USP3: variants seen among roughly 807,000 people sequenced by gnomAD.
The protein encoded by USP3 is ubiquitin carboxyl-terminal hydrolase 3.
In USP3, 20 loss-of-function variants were observed where a neutral mutation model predicts 72.3. The observed-to-expected ratio is 0.28, with a 90% CI of 0.19 to 0.40. The LOEUF is 0.40. Ranked by LOEUF, USP3 falls within the 10% of genes least tolerant of loss-of-function variation. The probability of loss-of-function intolerance (pLI) is 1.00; values close to 1 mark genes in which losing one functional copy is unlikely to be tolerated. For synonymous variants in USP3, 222 were observed against 225.3 expected (o/e 0.99, Z 0.13); for missense variants, 479 against 633.9 (o/e 0.76, Z 2.62).
At chr15:63,535,167 G>C (rs2066137461) in intron 2 of USP3, among the ~76,000 whole-genome samples, 1 of 152,204 alleles carries the variant, frequency 6.6e-6, no homozygotes, top group Non-Finnish European at 1.5e-5. Flanking sequence ...CTGACCTCAA[G>C]TGATCTGCCT....
chr15:63,511,404 C>T (rs1426774695), intron 1 of USP3, among the ~76,000 whole-genome samples: 1 of 151,522 alleles, frequency 6.6e-6, no homozygotes, highest in Non-Finnish European at 1.5e-5. Flanking sequence ...ATTTTAAGTT[C>T]CACATCTCAA....
In USP3 at chr15:63,528,392, TA is replaced by T; in HGVS notation, c.92-4252del. On this transcript the variant is annotated intron_variant, in intron 1 of 14. Coordinates refer to ENST00000380324, the MANE Select transcript of USP3 (RefSeq NM_006537.4). The surrounding 1 kb of genome is among the most constrained non-coding windows in gnomAD (Gnocchi z 4.3). Reference sequence around the variant, plus strand: ...AATTGGATGTATTAAAGAGCCCTTATAAATTCCCAGACTTAACTTTTTAAGC... The same window carrying T: ...AATTGGATGTATTAAAGAGCCCTTATAATTCCCAGACTTAACTTTTTAAGC... Among the ~76,000 whole-genome samples, 1 of 152,146 alleles carries T rather than the reference TA, an allele frequency of 6.6e-6. No homozygotes were observed. The highest frequency in any genetic ancestry group is 3.2e-3 in the Middle Eastern group (1 of 316).
At chr15:63,576,025 C>A (rs1021436003) in intron 11 of USP3, among the ~76,000 whole-genome samples, 3 of 139,962 alleles carry the variant, frequency 2.1e-5, no homozygotes, top group African/African-American at 7.9e-5. Context: ...CTTGCTCTGT[C>A]GCCCAGGCTG....
chr15:63,538,213 A>C (rs1294423782), intron 3 of USP3, among the ~76,000 whole-genome samples: 2 of 152,172 alleles, frequency 1.3e-5, no homozygotes, highest in Non-Finnish European at 2.9e-5. Flanking sequence ...GTGTGAAGCA[A>C]ATTTCTTTCT....
rs559849039 is a variant in USP3 at position 63,536,122 on chromosome 15, A to G, written c.153-903A>G. 1.6e-4 allele frequency among the ~76,000 whole-genome samples: 25 copies of G among 152,378 alleles called. 1 individual carries two copies. The South Asian group carries it at 4.6e-3, about 28-fold the overall frequency. On this transcript the variant is annotated intron_variant, in intron 2 of 14. Transcript: ENST00000380324. ...CTAAATCTGAGTTGGAATGTGTTAC[A>G]CAATTTTTATGAACATAATCAACTT...
intron 1 of USP3, among the ~76,000 whole-genome samples, chr15:63,510,789 TG>T (rs1055159278): frequency 1.3e-5 from 2 of 152,200 alleles, no homozygotes; most frequent in Admixed American, 1.3e-4. Context: ...AATTGTCTTG[TG>T]CCAAGACCCC....
intron 11 of USP3, among the ~76,000 whole-genome samples, chr15:63,581,345 TTGTGTGTGTGTGTGTGTGTGTG>T (rs59188081): frequency 0.023 from 3,016 of 130,166 alleles, 100 homozygotes; most frequent in African/African-American, 0.074. Flanking sequence ...GTGTTGGTTT[TTGTGTGTGTGTGTGTGTGTGTG>T]TGTGTGTGTG....
At chr15:63,549,717 A>T (rs1319999337) in intron 3 of USP3, among the ~76,000 whole-genome samples, 1 of 152,180 alleles carries the variant, frequency 6.6e-6, no homozygotes, top group Middle Eastern at 3.2e-3. Flanking sequence ...TGGATCTTCA[A>T]ATCTAGCTAA....
At position 63,588,910 on chromosome 15, in the gene USP3, C is replaced by T; in HGVS notation, c.1330-34C>T. ...GTAGAGGTCATCGAGATACTGATGTCATTGACCACTGCTCCTTCTTCCTTG... is the reference window on the plus strand; with the variant it reads ...GTAGAGGTCATCGAGATACTGATGTTATTGACCACTGCTCCTTCTTCCTTG... On this transcript the variant is annotated intron_variant, in intron 13 of 14. Coordinates refer to ENST00000380324, the MANE Select transcript of USP3 (RefSeq NM_006537.4). This position sits in a 1 kb window ranked among gnomAD's most constrained non-coding sequence, Gnocchi z 4.6. 1 of 1,613,794 alleles carries T rather than the reference C, an allele frequency of 6.2e-7. No individual in the cohort carries two copies. Among genetic ancestry groups the T allele is most frequent in the East Asian group, 2.2e-5 (1 of 44,880 alleles).
In USP3 at chr15:63,588,757, T is replaced by C. The variant is rs769437594; in HGVS notation, c.1271T>C (p.Val424Ala). The change falls in exon 13 of 15, where the codon GTT becomes GCT. Residue 424 changes from valine (V) to alanine (A), a missense_variant. By Grantham distance (64) the Val-to-Ala change is moderately conservative (BLOSUM62 0). Transcript: ENST00000380324. The surrounding 1 kb of genome is among the most constrained non-coding windows in gnomAD (Gnocchi z 4.6). ...FHWTAYLRNK[V>A]DTYVEFPLRG... Reference sequence around the variant, plus strand: ...TGGACAGCATATTTAAGAAATAAAGTTGATACATACGTAGAATTTCCACTG... The same window carrying C: ...TGGACAGCATATTTAAGAAATAAAGCTGATACATACGTAGAATTTCCACTG... 2 of 1,614,120 alleles carry C rather than the reference T, an allele frequency of 1.2e-6. No individual in the cohort carries two copies. Among genetic ancestry groups the C allele is most frequent in the African/African-American group, 2.7e-5 (2 of 74,946 alleles).
intron 1 of USP3, among the ~76,000 whole-genome samples, chr15:63,508,584 C>A (rs1323310663): frequency 2.6e-5 from 4 of 152,174 alleles, no homozygotes; most frequent in Non-Finnish European, 5.9e-5. Context: ...AAAGGGCATT[C>A]TCTCAAGCTT....
Position 63,570,683 on chromosome 15 carries a change from A to G in USP3, c.908+104A>G, listed in dbSNP as rs2066765847. On this transcript the variant is annotated intron_variant, in intron 9 of 14. Coordinates refer to ENST00000380324, the MANE Select transcript of USP3 (RefSeq NM_006537.4). This position sits in a 1 kb window ranked among gnomAD's most constrained non-coding sequence, Gnocchi z 4.4. ...CGGAAGGTAGAGGGGTTTCTTGGAC[A>G]TTTGCTGGAACTTTTCGTGCCCTTG... The G allele has an allele frequency of 3.3e-6, 5 of 1,495,040 alleles. 1 individual carries two copies. The highest frequency in any genetic ancestry group is 4.6e-5 in the Admixed American group (2 of 43,548). 92.6% of individuals were successfully genotyped at this position (1,495,040 alleles called of 1,614,324 possible).
chr15:63,563,294 G>A (rs1284770557), intron 8 of USP3, among the ~76,000 whole-genome samples: 3 of 152,044 alleles, frequency 2.0e-5, no homozygotes, highest in East Asian at 1.9e-4. Flanking sequence ...AAAACATACT[G>A]GACAAAATTT....
At chr15:63,583,658 C>G (rs1033633709) in intron 11 of USP3, among the ~76,000 whole-genome samples, 8 of 152,112 alleles carry the variant, frequency 5.3e-5, no homozygotes, top group African/African-American at 1.7e-4. Context: ...CTCTCTTGTT[C>G]CCAGTAACTC....
In USP3 at chr15:63,588,712, T is replaced by C. The variant is rs780211349; in HGVS notation, c.1226T>C (p.Leu409Ser). ...ATCTCTGTCCTCCAGGTGCTATGCT[T>C]ACATTTGAAAAGATTTCATTGGACA... ...WIQKLPKVLC[L>S]HLKRFHWTAY... Residue 409 changes from leucine (L) to serine (S), a missense_variant, in exon 13 of 15, where the codon TTA (leucine) becomes TCA (serine). By Grantham distance (145) the Leu-to-Ser change is moderately radical. Transcript: ENST00000380324. The surrounding 1 kb of genome is among the most constrained non-coding windows in gnomAD (Gnocchi z 4.6). 6.2e-7 allele frequency: 1 copy of C among 1,612,906 alleles called. No homozygotes were observed. Among genetic ancestry groups the C allele is most frequent in the Non-Finnish European group, 8.5e-7 (1 of 1,179,014 alleles).
chr15:63,574,417 A>C lies in USP3; in HGVS notation c.1096+14A>C, dbSNP rs1488848442. ...GTTCGTTACGAGGTAAAGATACTTGAATGTTCTAAAAATTTTTTTCTTTAA... is the reference window on the plus strand; with the variant it reads ...GTTCGTTACGAGGTAAAGATACTTGCATGTTCTAAAAATTTTTTTCTTTAA... On this transcript the variant is annotated intron_variant, in intron 11 of 14. Transcript: ENST00000380324. This position sits in a 1 kb window ranked among gnomAD's most constrained non-coding sequence, Gnocchi z 4.6. 3 of 1,583,596 alleles carry C rather than the reference A, an allele frequency of 1.9e-6. No homozygotes were observed. The highest frequency in any genetic ancestry group is 4.5e-5 in the East Asian group (2 of 44,016).
chr15:63,504,823 C>G lies in USP3; in HGVS notation c.84C>G (p.Cys28Trp). Residue 28 changes from cysteine to tryptophan, a missense_variant, in exon 1 of 15, where the codon TGC (cysteine) becomes TGG (tryptophan). Transcript: ENST00000380324. The stretch of plus-strand genomic sequence containing the variant: ...CCAACGGCTCCCCGTCGTCCTGGTG[C>G]TGCAGCGGTGAGTGCGGCCACGGGC... ...KFPNGSPSSWCCSVCRSNKSP... is the reference protein window; with the variant it reads ...KFPNGSPSSWWCSVCRSNKSP... The G allele has an allele frequency of 2.5e-6, 4 of 1,607,064 alleles. No homozygotes were observed. The highest frequency in any genetic ancestry group is 3.4e-6 in the Non-Finnish European group (4 of 1,177,536).
intron 3 of USP3, among the ~76,000 whole-genome samples, chr15:63,545,912 A>G (rs1361809465): frequency 7.5e-6 from 1 of 133,176 alleles, no homozygotes; most frequent in Non-Finnish European, 1.6e-5. Context: ...CGGAGGTTAC[A>G]GTGAGTTGAG....
intron 1 of USP3, among the ~76,000 whole-genome samples, chr15:63,508,845 C>A (rs2065746983): frequency 6.6e-6 from 1 of 152,152 alleles, no homozygotes; most frequent in African/African-American, 2.4e-5. Context: ...CTGATTAATT[C>A]TTCAATGAGT....
Sources: allele counts gnomAD v4.1 joint callset (sites outside exome capture counted in the v4.1 genomes callset), GRCh38; gene constraint gnomAD v4.1.1; non-coding constraint Gnocchi (gnomAD v3.1); transcripts MANE v1.5; gene names NCBI Gene and HGNC (gene_info 2026-07-23, HGNC 2026-07-21).